RAB38: variants seen among roughly 807,000 people sequenced by gnomAD.
RAB38 encodes the protein ras-related protein Rab-38.
A neutral mutation model predicts 18.4 loss-of-function variants in RAB38; 15 were observed. That is an observed-to-expected ratio of 0.82 (90% confidence interval 0.55 to 1.26). The LOEUF is 1.26. RAB38 is among the 50% of genes most tolerant of loss of function. The pLI, the probability that RAB38 is intolerant of heterozygous loss-of-function variation, is 0.00. For missense variants in RAB38, 294 were observed against 267.4 expected, an observed-to-expected ratio of 1.10 and a Z score of -0.69; for synonymous variants, 101 against 104.4, an observed-to-expected ratio of 0.97 and a Z score of 0.20.
chr11:88,152,486 T>C (rs1381707636), intron 1 of RAB38, among the ~76,000 whole-genome samples: 1 of 152,170 alleles, frequency 6.6e-6, no homozygotes, highest in Non-Finnish European at 1.5e-5. Flanking sequence ...AGATCAGAAA[T>C]AAGAAGACAG....
chr11:88,083,051 G>T, the RAB38 span, among the ~76,000 whole-genome samples: 3 of 151,682 alleles, frequency 2.0e-5, no homozygotes, highest in African/African-American at 7.3e-5. Context: ...GAATAGATAC[G>T]CTCCTACTTC....
chr11:88,015,316 C>T, the RAB38 span, among the ~76,000 whole-genome samples: 1 of 152,088 alleles, frequency 6.6e-6, no homozygotes, highest in Non-Finnish European at 1.5e-5. Flanking sequence ...CTCAGATACT[C>T]TTTTTATTTT....
chr11:88,120,390 C>T lies in RAB38; in HGVS notation c.484-6250G>A, dbSNP rs544924852. On this transcript the variant is annotated intron_variant, in intron 2 of 2. Coordinates refer to ENST00000243662, the MANE Select transcript of RAB38 (RefSeq NM_022337.3). ...TACATTTTCTTAGTGTCCAAGCCAACGTCTATTTGAATCCAAAGCCCACAG... is the reference window on the plus strand; with the variant it reads ...TACATTTTCTTAGTGTCCAAGCCAATGTCTATTTGAATCCAAAGCCCACAG... Among the ~76,000 whole-genome samples the T allele has an allele frequency of 3.9e-5, 6 of 152,254 alleles. No individual in the cohort carries two copies. In the South Asian group the frequency reaches 6.2e-4, roughly 16 times the overall value.
At chr11:88,092,315 C>T in the RAB38 span, among the ~76,000 whole-genome samples, 5 of 103,784 alleles carry the variant, frequency 4.8e-5, no homozygotes, top group Non-Finnish European at 1.0e-4. Flanking sequence ...TATCACATGG[C>T]AAGAGGGAGG....
At chr11:88,032,016 T>G in the RAB38 span, among the ~76,000 whole-genome samples, 1 of 150,954 alleles carries the variant, frequency 6.6e-6, no homozygotes, top group Admixed American at 6.6e-5. Context: ...AGCATGGTAC[T>G]GGTACCAAAA....
chr11:87,849,872 C>A, the RAB38 span, among the ~76,000 whole-genome samples: 5 of 152,026 alleles, frequency 3.3e-5, no homozygotes, highest in Non-Finnish European at 5.9e-5. Flanking sequence ...TAGGTATTTT[C>A]TTTGACTTTT....
rs551697147 is a variant in RAB38 at position 88,140,359 on chromosome 11, A to G, written c.483+9316T>C. Among the ~76,000 whole-genome samples, 65 of 152,364 alleles carry G rather than the reference A, an allele frequency of 4.3e-4. 1 individual carries two copies. Among genetic ancestry groups the G allele is most frequent in the East Asian group, 1.2e-3 (6 of 5,186 alleles). On this transcript the variant is annotated intron_variant, in intron 2 of 2. Coordinates refer to ENST00000243662, the MANE Select transcript of RAB38 (RefSeq NM_022337.3). ...TCTACACAGTTATCTAAGGACATAA[A>G]TACTCCGCACGGGCAGGGCCAAGAA...
the RAB38 span, among the ~76,000 whole-genome samples, chr11:88,034,140 A>T: frequency 4.6e-5 from 7 of 152,176 alleles, no homozygotes; most frequent in African/African-American, 1.7e-4. Flanking sequence ...ACATAAATGG[A>T]GTTATACTGT....
At chr11:88,015,979 AATGGGGTAG>A in the RAB38 span, among the ~76,000 whole-genome samples, 2 of 152,070 alleles carry the variant, frequency 1.3e-5, no homozygotes, top group Non-Finnish European at 2.9e-5. Flanking sequence ...ACCACCTCCC[AATGGGGTAG>A]CCCTTGTCTT....
intron 1 of RAB38, among the ~76,000 whole-genome samples, chr11:88,159,897 G>A (rs940658024): frequency 4.0e-5 from 6 of 151,816 alleles, no homozygotes; most frequent in Non-Finnish European, 5.9e-5. Flanking sequence ...CCTAGGAAAC[G>A]CCATTCTGGA....
At chr11:88,096,345 C>CT in the RAB38 span, among the ~76,000 whole-genome samples, 1 of 151,840 alleles carries the variant, frequency 6.6e-6, no homozygotes, top group Admixed American at 6.6e-5. Context: ...ATTTTCATAG[C>CT]TTGGTTACTC....
chr11:87,853,368 A>G, the RAB38 span, among the ~76,000 whole-genome samples: 2 of 152,152 alleles, frequency 1.3e-5, no homozygotes, highest in Admixed American at 6.6e-5. Context: ...GAATAGGAAG[A>G]GGTAAGAGCT....
At chr11:88,029,325 C>T in the RAB38 span, among the ~76,000 whole-genome samples, 16 of 151,060 alleles carry the variant, frequency 1.1e-4, no homozygotes, top group East Asian at 1.9e-4. Context: ...CATCAACTAA[C>T]GAGCAAAATA....
At chr11:87,885,735 A>G in the RAB38 span, among the ~76,000 whole-genome samples, 2 of 152,016 alleles carry the variant, frequency 1.3e-5, no homozygotes, top group Non-Finnish European at 2.9e-5. Flanking sequence ...TTCTTAAAGC[A>G]GTGTTACCTA....
chr11:88,080,964 A>C, the RAB38 span, among the ~76,000 whole-genome samples: 136 of 151,980 alleles, frequency 8.9e-4, no homozygotes, highest in African/African-American at 2.6e-3. Context: ...CAACATACTT[A>C]CAACTCAATA....
chr11:87,922,893 AGGGGGAAG>A, the RAB38 span, among the ~76,000 whole-genome samples: 1 of 150,334 alleles, frequency 6.7e-6, no homozygotes, highest in Admixed American at 6.7e-5. Flanking sequence ...GGGAGATGGA[AGGGGGAAG>A]GGAGGAAGGG....
At chr11:88,105,080 T>C in the RAB38 span, among the ~76,000 whole-genome samples, 2 of 152,126 alleles carry the variant, frequency 1.3e-5, no homozygotes, top group Non-Finnish European at 2.9e-5. Flanking sequence ...CTGATTCTTG[T>C]ATGGAAACAC....
chr11:88,139,391 G>A (rs2171282), intron 2 of RAB38, among the ~76,000 whole-genome samples: 37,069 of 151,972 alleles, frequency 0.24, 4,622 homozygotes, highest in Non-Finnish European at 0.28. Flanking sequence ...CACAGGTGGG[G>A]GTAACAGCTT....
chr11:87,951,399 A>T, the RAB38 span, among the ~76,000 whole-genome samples: 1 of 152,090 alleles, frequency 6.6e-6, no homozygotes, highest in African/African-American at 2.4e-5. Context: ...CAACTCGTCA[A>T]AGTCATTCTC....
Sources: gnomAD v4.1 joint callset for allele counts (sites outside exome capture counted in the v4.1 genomes callset) on GRCh38, gnomAD v4.1.1 for gene constraint, MANE v1.5 for transcripts, NCBI Gene and HGNC (gene_info 2026-07-23, HGNC 2026-07-21) for gene names.